The following FCAMR variants were observed in gnomAD, a reference collection of about 807,000 sequenced individuals.
FCAMR encodes high affinity immunoglobulin alpha and immunoglobulin mu Fc receptor.
In FCAMR, 51 loss-of-function variants were observed where a neutral mutation model predicts 52.2. The observed-to-expected ratio is 0.98, with a 90% CI of 0.78 to 1.23. The LOEUF is 1.23. FCAMR is among the 50% of genes most tolerant of loss of function. The probability of loss-of-function intolerance (pLI) is 0.00; values close to 1 mark genes in which losing one functional copy is unlikely to be tolerated. For synonymous variants in FCAMR, 282 were observed against 262.0 expected (o/e 1.08, Z -0.74); for missense variants, 719 against 712.6 (o/e 1.01, Z -0.10).
chr1:206,964,099 G>A (rs1680614390), intron 4 of FCAMR, among the ~76,000 whole-genome samples: 1 of 152,212 alleles, frequency 6.6e-6, no homozygotes, highest in Non-Finnish European at 1.5e-5. Flanking sequence ...TGAGGAGAAA[G>A]TGATGTCTCC....
intron 1 of FCAMR, among the ~76,000 whole-genome samples, chr1:206,968,926 T>C (rs1192504098): frequency 6.6e-6 from 1 of 152,188 alleles, no homozygotes; most frequent in East Asian, 1.9e-4. Context: ...GCCCCAAGAA[T>C]GGCCAGATCT....
chr1:206,966,966 A>G, intron 3 of FCAMR, 86 bp downstream of exon 3: 1 of 1,324,448 alleles, frequency 7.6e-7, no homozygotes, highest in Non-Finnish European at 1.1e-6. Context: ...GTTTTACCAT[A>G]CCAGCCTGTG....
At chr1:206,959,037 C>A in intron 7 of FCAMR, 1 of 470,946 alleles carries the variant, frequency 2.1e-6, no homozygotes, top group Non-Finnish European at 4.3e-6. Flanking sequence ...CAGGTCTGGG[C>A]CCTGCACTCC....
At chr1:206,961,541 G>A (rs2102618924) in intron 5 of FCAMR, among the ~76,000 whole-genome samples, 1 of 152,294 alleles carries the variant, frequency 6.6e-6, no homozygotes, top group Admixed American at 6.5e-5. Flanking sequence ...AGCAGGTATT[G>A]TTCTTCAAAA....
In FCAMR at chr1:206,958,643, A is replaced by T. The variant is rs890498867; in HGVS notation, c.1607T>A (p.Met536Lys). 3 of 1,613,950 alleles carry T rather than the reference A, an allele frequency of 1.9e-6. No homozygotes were observed. Among genetic ancestry groups the T allele is most frequent in the Non-Finnish European group, 2.5e-6 (3 of 1,180,032 alleles). ...GGGGTTCACTTCCAGAAAATGTGTCATCTGAATTAAGGTGACCCTTTCTGC... is the reference window on the plus strand; with the variant it reads ...GGGGTTCACTTCCAGAAAATGTGTCTTCTGAATTAAGGTGACCCTTTCTGC... ...QEAERVTLIQ[M>K]THFLEVNPQA... The change falls in exon 8 of 8, where the codon ATG becomes AAG. Residue 536 changes from methionine (M) to lysine (K), a missense_variant. By Grantham distance (95) the Met-to-Lys change is moderately conservative. Coordinates refer to ENST00000324852, the MANE Select transcript of FCAMR (RefSeq NM_001170631.2).
At chr1:206,962,136 C>T in intron 5 of FCAMR, 77 bp downstream of exon 5, 1 of 1,446,410 alleles carries the variant, frequency 6.9e-7, no homozygotes, top group East Asian at 2.3e-5. Flanking sequence ...CCTTCTGGGT[C>T]TCTGAGGCTT....
intron 4 of FCAMR, among the ~76,000 whole-genome samples, chr1:206,964,779 C>T (rs1428443795): frequency 6.6e-6 from 1 of 152,006 alleles, no homozygotes; most frequent in African/African-American, 2.4e-5. Flanking sequence ...GTAAAAATGG[C>T]CTAATATAAT....
chr1:206,967,800 T>C (rs1035759170), intron 1 of FCAMR, 149 bp from the exon 2 acceptor site: 22 of 707,684 alleles, frequency 3.1e-5, no homozygotes, highest in Non-Finnish European at 5.1e-5. Flanking sequence ...CTCCACAACT[T>C]CTAGAAAGCC....
At chr1:206,961,741 C>A (rs1235727551) in intron 5 of FCAMR, among the ~76,000 whole-genome samples, 1 of 152,246 alleles carries the variant, frequency 6.6e-6, no homozygotes, top group Non-Finnish European at 1.5e-5. Flanking sequence ...ACAAACAGAA[C>A]CTGCTGCAGA....
intron 4 of FCAMR, among the ~76,000 whole-genome samples, chr1:206,962,935 G>C (rs1190357052): frequency 6.6e-6 from 1 of 152,150 alleles, no homozygotes; most frequent in African/African-American, 2.4e-5. Flanking sequence ...TGTAGATTTA[G>C]ACAACACAGT....
intron 1 of FCAMR, 77 bp from the exon 2 acceptor site, chr1:206,967,728 G>C (rs1158220904): frequency 1.4e-5 from 19 of 1,380,220 alleles, no homozygotes; most frequent in Non-Finnish European, 2.1e-6. Flanking sequence ...TTAGTAACAA[G>C]GAGTTAAAAA....
At chr1:206,959,992 C>T in intron 6 of FCAMR, 195 bp from the exon 7 acceptor site, 2 of 576,602 alleles carry the variant, frequency 3.5e-6, no homozygotes, top group Non-Finnish European at 6.2e-6. Context: ...AAGCCTGAAT[C>T]CTTTTCCCTC....
intron 7 of FCAMR, chr1:206,959,014 C>T (rs564714045): frequency 2.4e-5 from 12 of 491,838 alleles, no homozygotes; most frequent in African/African-American, 3.9e-5. Context: ...GGGGAAAATG[C>T]GAGGTTTGAT....
At chr1:206,968,447 C>G (rs11119938) in intron 1 of FCAMR, among the ~76,000 whole-genome samples, 9,262 of 152,294 alleles carry the variant, frequency 0.061, 923 homozygotes, top group African/African-American at 0.21. Context: ...TTGAATCTAT[C>G]TATTGCTTCT....
At chr1:206,970,054 G>A in intron 1 of FCAMR, 33 bp downstream of exon 1, 1 of 1,613,766 alleles carries the variant, frequency 6.2e-7, no homozygotes, top group Non-Finnish European at 8.5e-7. Context: ...TCAGAGGCAA[G>A]ATCCCAACCT....
At chr1:206,966,716 A>T (rs2102267801) in intron 3 of FCAMR, among the ~76,000 whole-genome samples, 1 of 152,172 alleles carries the variant, frequency 6.6e-6, no homozygotes, top group South Asian at 2.1e-4. Context: ...TAAAACTCTG[A>T]TTTGTTTTTA....
rs561942544 is a variant in FCAMR at position 206,970,171 on chromosome 1, A to C, written c.-46T>G. On this transcript the variant is annotated 5_prime_UTR_variant, in exon 1 of 8. Transcript: ENST00000324852. ...CAGGTGGACTTTTCTTCTCCTTATG[A>C]GATGCAGGTGTTTGGACGACTTCTA... 7.8e-5 allele frequency: 125 copies of C among 1,609,992 alleles called. 3 individuals are homozygous for C. The South Asian group carries it at 1.3e-3, about 17-fold the overall frequency.
Position 206,959,739 on chromosome 1 carries a change from C to G in FCAMR, c.1513G>C (p.Ala505Pro), listed in dbSNP as rs1680422283. Residue 505 changes from alanine (A) to proline (P), a missense_variant, in exon 7 of 8, where the codon GCC (alanine) becomes CCC (proline). Coordinates refer to ENST00000324852, the MANE Select transcript of FCAMR (RefSeq NM_001170631.2). Reference sequence around the variant, plus strand: ...ACCAGAGCCATAAGCATAAACAGGGCCAGCATGGTAGAGACAGGAGCCAGG... The same window carrying G: ...ACCAGAGCCATAAGCATAAACAGGGGCAGCATGGTAGAGACAGGAGCCAGG... ...RTLAPVSTML[A>P]LFMLMALVLL... The G allele has an allele frequency of 1.2e-6, 2 of 1,614,072 alleles. No individual in the cohort carries two copies. The highest frequency in any genetic ancestry group is 8.5e-7 in the Non-Finnish European group (1 of 1,180,010).
intron 3 of FCAMR, 57 bp from the exon 4 acceptor site, chr1:206,965,915 A>G (rs1680692205): frequency 1.2e-6 from 2 of 1,608,014 alleles, no homozygotes; most frequent in Non-Finnish European, 1.7e-6. Flanking sequence ...CCACAAAGGC[A>G]CCTACAGAGG....
Sources: allele counts gnomAD v4.1 joint callset (sites outside exome capture counted in the v4.1 genomes callset), GRCh38; gene constraint gnomAD v4.1.1; transcripts MANE v1.5; gene names NCBI Gene and HGNC (gene_info 2026-07-23, HGNC 2026-07-21).